The following PDE4D variants were observed in gnomAD, a reference collection of about 807,000 sequenced individuals.
PDE4D encodes the protein phosphodiesterase 4D, also known as 3',5'-cyclic-AMP phosphodiesterase 4D.
A neutral mutation model predicts 87.4 loss-of-function variants in PDE4D; 24 were observed. That is an observed-to-expected ratio of 0.27 (90% CI 0.20 to 0.39). The LOEUF (loss-of-function observed/expected upper bound fraction) is 0.39, where lower values mean the gene tolerates loss of function less well. Ranked by LOEUF, PDE4D falls within the 10% of genes least tolerant of loss-of-function variation. PDE4D has a pLI of 1.00. For missense variants in PDE4D, 714 were observed against 1,041.0 expected (o/e 0.69, Z 4.32); for synonymous variants, 384 against 383.2 (o/e 1.00, Z -0.02).
intron 1 of PDE4D, among the ~76,000 whole-genome samples, chr5:59,382,125 G>A (rs779270245): frequency 4.6e-5 from 7 of 151,788 alleles, no homozygotes; most frequent in Admixed American, 6.6e-5. Context: ...CACAGACCCC[G>A]CACTACAATC....
chr5:59,614,615 A>G (rs1218839561), intron 1 of PDE4D, among the ~76,000 whole-genome samples: 1 of 152,190 alleles, frequency 6.6e-6, no homozygotes, highest in East Asian at 1.9e-4. Context: ...AATCCTGTTT[A>G]CCTAATCAGA....
intron 1 of PDE4D, among the ~76,000 whole-genome samples, chr5:60,243,047 T>C (rs1306296944): frequency 1.3e-5 from 2 of 151,880 alleles, no homozygotes; most frequent in East Asian, 3.9e-4. Context: ...AAAAGTTTGC[T>C]TCTTGAAAAG....
chr5:59,363,126 T>C (rs1001472580), intron 1 of PDE4D, among the ~76,000 whole-genome samples: 7 of 152,186 alleles, frequency 4.6e-5, no homozygotes, highest in African/African-American at 1.4e-4. Flanking sequence ...GTGTTTATTC[T>C]GTGGTGTTTA....
At position 60,373,356 on chromosome 5, in the gene PDE4D, T is replaced by A. The variant is rs548622087; in HGVS notation, c.-90+114586A>T. On this transcript the variant is annotated intron_variant, in intron 1 of 16. Coordinates refer to the PDE4D transcript ENST00000502484. ...TACTCTCTGGTCAGCCACACTCCCC[T>A]GCCCCTCTATTCTCTTCCAACCAGG... Among the ~76,000 whole-genome samples, 285 of 152,320 alleles carry A rather than the reference T, an allele frequency of 1.9e-3. 1 individual carries two copies. The highest frequency in any genetic ancestry group is 6.6e-3 in the African/African-American group (275 of 41,580).
intron 2 of PDE4D, among the ~76,000 whole-genome samples, chr5:60,137,966 G>T (rs2149412099): frequency 6.6e-6 from 1 of 152,102 alleles, no homozygotes; most frequent in South Asian, 2.1e-4. Flanking sequence ...TTTGTATATG[G>T]TGTAAGGAAG....
At chr5:59,997,667 C>A (rs887535216) in intron 2 of PDE4D, among the ~76,000 whole-genome samples, 2 of 152,038 alleles carry the variant, frequency 1.3e-5, no homozygotes, top group Admixed American at 6.6e-5. Context: ...CAGATAACTA[C>A]AAAATATCCC....
At chr5:60,470,667 G>A (rs144849493) in intron 1 of PDE4D, among the ~76,000 whole-genome samples, 15 of 152,164 alleles carry the variant, frequency 9.9e-5, no homozygotes, top group East Asian at 9.7e-4. Context: ...TAAGAATTAC[G>A]CTATATCAAC....
At chr5:59,070,448 T>A (rs150319019) in intron 5 of PDE4D, among the ~76,000 whole-genome samples, 141 of 152,334 alleles carry the variant, frequency 9.3e-4, no homozygotes, top group African/African-American at 3.3e-3. Flanking sequence ...CTAAATGATA[T>A]AACTTTACAG....
intron 1 of PDE4D, among the ~76,000 whole-genome samples, chr5:59,334,974 ACTC>A (rs1181086186): frequency 6.6e-6 from 1 of 151,010 alleles, no homozygotes; most frequent in East Asian, 2.0e-4. Context: ...ATTCCTATTC[ACTC>A]CTCATTTTTC....
chr5:60,068,162 C>T (rs550788852), intron 2 of PDE4D, among the ~76,000 whole-genome samples: 8 of 152,308 alleles, frequency 5.3e-5, no homozygotes, highest in African/African-American at 1.4e-4. Context: ...ACAAAAGCTG[C>T]ACCATATTGC....
intron 3 of PDE4D, among the ~76,000 whole-genome samples, chr5:59,975,478 A>G (rs1363803523): frequency 6.6e-6 from 1 of 152,210 alleles, no homozygotes; most frequent in Non-Finnish European, 1.5e-5. Flanking sequence ...AATACTTTCT[A>G]TATCAGTATC....
rs550218367 is a variant in PDE4D, at chr5:59,643,427, A to C, written c.455+249741T>G. Reference sequence around the variant, plus strand: ...AAATTTCTGGGAAAAAGCTGGAGGAAGGAATGACAAAGACACGAGGAAACT... The same window carrying C: ...AAATTTCTGGGAAAAAGCTGGAGGACGGAATGACAAAGACACGAGGAAACT... On this transcript the variant is annotated intron_variant, in intron 1 of 14. Coordinates refer to ENST00000340635, the MANE Select transcript of PDE4D (RefSeq NM_001104631.2). Among the ~76,000 whole-genome samples the C allele has an allele frequency of 3.9e-5, 6 of 152,348 alleles. No individual in the cohort carries two copies. In the South Asian group the frequency reaches 1.2e-3, roughly 32 times the overall value.
At chr5:60,521,791 T>C (rs1484278600) in intron 1 of PDE4D, 1 of 151,862 alleles carries the variant, frequency 6.6e-6, no homozygotes. Context: ...AAGAAAAGGA[T>C]CCAAATAAAA....
At chr5:59,318,522 A>T (rs539058539) in intron 1 of PDE4D, among the ~76,000 whole-genome samples, 3 of 152,300 alleles carry the variant, frequency 2.0e-5, no homozygotes, top group African/African-American at 7.2e-5. Flanking sequence ...AATAGGGTTA[A>T]GTTGAAATTG....
intron 5 of PDE4D, among the ~76,000 whole-genome samples, chr5:59,043,785 T>C (rs540834656): frequency 6.4e-4 from 95 of 147,916 alleles, no homozygotes; most frequent in African/African-American, 2.3e-3. Flanking sequence ...AATTCCCACC[T>C]ATGAGTGAGA....
In PDE4D at chr5:60,368,363, C is replaced by T. The variant is rs144258499; in HGVS notation, c.-90+119579G>A. ...CTGAATAGTAACATTCTGGCAGTCA[C>T]GATATTAAGTTTCACTGGGAATATC... On this transcript the variant is annotated intron_variant, in intron 1 of 16. Transcript: ENST00000502484. Among the ~76,000 whole-genome samples the T allele has an allele frequency of 3.1e-3, 472 of 152,200 alleles. 2 individuals are homozygous for T. The highest frequency in any genetic ancestry group is 0.011 in the African/African-American group (454 of 41,518).
intron 1 of PDE4D, among the ~76,000 whole-genome samples, chr5:59,415,642 C>A (rs904338958): frequency 2.0e-5 from 3 of 149,456 alleles, no homozygotes; most frequent in Non-Finnish European, 4.4e-5. Flanking sequence ...CAATAAAGAT[C>A]CAGTATAATT....
At chr5:60,315,408 G>T (rs1245316256) in intron 1 of PDE4D, among the ~76,000 whole-genome samples, 1 of 151,908 alleles carries the variant, frequency 6.6e-6, no homozygotes, top group Non-Finnish European at 1.5e-5. Flanking sequence ...ATGAGTAGAT[G>T]GCAAAAATTT....
chr5:59,871,740 A>G (rs768354910), intron 1 of PDE4D, among the ~76,000 whole-genome samples: 4 of 152,058 alleles, frequency 2.6e-5, no homozygotes, highest in Non-Finnish European at 5.9e-5. Context: ...CATTACCTAC[A>G]CCCTCAAATT....
Sources: allele counts gnomAD v4.1 joint callset (sites outside exome capture counted in the v4.1 genomes callset), GRCh38; gene constraint gnomAD v4.1.1; transcripts MANE v1.5; gene names NCBI Gene and HGNC (gene_info 2026-07-23, HGNC 2026-07-21).